Variants in HECW1 observed in about 807,000 individuals in gnomAD.
The protein encoded by HECW1 is E3 ubiquitin-protein ligase HECW1.
HECW1 carries 61 observed loss-of-function variants against 182.3 expected under a neutral mutation model. The observed-to-expected ratio is 0.33, with a 90% CI of 0.27 to 0.41. The LOEUF (loss-of-function observed/expected upper bound fraction) is 0.41, where lower values mean the gene tolerates loss of function less well. HECW1 is among the 10% of genes least tolerant of loss of function. The pLI is 1.00. For missense variants in HECW1, 1,739 were observed against 2,108.9 expected (o/e 0.82, Z 3.44); for synonymous variants, 859 against 832.6 (o/e 1.03, Z -0.55).
At chr7:43,342,306 C>T (rs1444694268) in intron 5 of HECW1, among the ~76,000 whole-genome samples, 2 of 151,722 alleles carry the variant, frequency 1.3e-5, no homozygotes, top group East Asian at 3.8e-4. Context: ...TTCACCCTTC[C>T]TTTGTTTTGA....
At chr7:43,277,204 G>A (rs997495170) in intron 3 of HECW1, among the ~76,000 whole-genome samples, 4 of 152,092 alleles carry the variant, frequency 2.6e-5, no homozygotes, top group African/African-American at 9.7e-5. Context: ...TCCTACTCAG[G>A]CAATGGATGA....
At chr7:43,331,008 T>C (rs940840747) in intron 5 of HECW1, among the ~76,000 whole-genome samples, 2 of 152,176 alleles carry the variant, frequency 1.3e-5, no homozygotes, top group Admixed American at 6.5e-5. Context: ...TTATATACTT[T>C]AAGTCCTAGG....
chr7:43,214,131 T>G (rs1420926839), intron 2 of HECW1, among the ~76,000 whole-genome samples: 1 of 151,990 alleles, frequency 6.6e-6, no homozygotes. Context: ...TACACATATG[T>G]ATTTCTATAG....
In HECW1 at chr7:43,564,804, T is replaced by G; in HGVS notation, c.*2878T>G. 1 of 182,260 alleles carries G rather than the reference T, an allele frequency of 5.5e-6. No homozygotes were observed. The highest frequency in any genetic ancestry group is 1.2e-5 in the Non-Finnish European group (1 of 85,430). The allele number at this position is 182,260 out of a possible 1,614,324, so 11.3% of individuals were successfully genotyped here. ...GAAATGAAATAGCTATAGAACTAAA[T>G]TTCACTTAGGTGGAGGTATAAACCA... On this transcript the variant is annotated 3_prime_UTR_variant, in exon 30 of 30. Transcript: ENST00000395891.
intron 6 of HECW1, among the ~76,000 whole-genome samples, chr7:43,393,475 G>T (rs1466899840): frequency 2.0e-5 from 3 of 152,144 alleles, no homozygotes; most frequent in Admixed American, 6.6e-5. Context: ...CCTAAGACTG[G>T]GCAAACATTT....
intron 17 of HECW1, among the ~76,000 whole-genome samples, chr7:43,486,861 C>G (rs1373766812): frequency 2.0e-5 from 3 of 152,222 alleles, no homozygotes; most frequent in Non-Finnish European, 4.4e-5. Flanking sequence ...ATTGTGTTGT[C>G]TATGGTTCTA....
At chr7:43,511,851 G>T (rs1300556816) in intron 24 of HECW1, 2 of 181,040 alleles carry the variant, frequency 1.1e-5, no homozygotes, top group South Asian at 2.0e-4. Flanking sequence ...GCCCAGATCT[G>T]GTGATGTGGC....
chr7:43,397,004 AT>A, intron 7 of HECW1, 115 bp downstream of exon 7: 1 of 772,894 alleles, frequency 1.3e-6, no homozygotes. Context: ...CTGTGCCTCA[AT>A]TTCTCAATCT....
At chr7:43,122,239 C>T (rs531555779) in intron 2 of HECW1, among the ~76,000 whole-genome samples, 165 of 152,308 alleles carry the variant, frequency 1.1e-3, no homozygotes, top group African/African-American at 3.8e-3. Context: ...AAGTAGAGCC[C>T]AGTTTTCTGC....
chr7:43,541,233 A>G lies in HECW1; in HGVS notation c.4090A>G (p.Arg1364Gly). 6.2e-7 allele frequency: 1 copy of G among 1,614,124 alleles called. No homozygotes were observed. The highest frequency in any genetic ancestry group is 8.5e-7 in the Non-Finnish European group (1 of 1,179,994). ...GTACCTTCTTGACGCTTTCTTCACG[A>G]GGCCCTTCTACAAGGCACTCCTGAG... ...HQYLLDAFFTRPFYKALLRLP... is the reference protein window; with the variant it reads ...HQYLLDAFFTGPFYKALLRLP... The change falls in exon 25 of 30, where the codon AGG (arginine) becomes GGG (glycine). Residue 1364 changes from arginine (R) to glycine (G), a missense_variant. This residue lies in a region of HECW1 where 420 missense variants were observed against 595.7 expected (regional missense o/e 0.71). Transcript: ENST00000395891.
At chr7:43,364,207 C>G (rs541976818) in intron 6 of HECW1, among the ~76,000 whole-genome samples, 17 of 152,108 alleles carry the variant, frequency 1.1e-4, no homozygotes, top group Non-Finnish European at 2.5e-4. Flanking sequence ...GTGTAATCAG[C>G]GCTTTAATTT....
intron 2 of HECW1, among the ~76,000 whole-genome samples, chr7:43,157,614 G>T (rs1790026058): frequency 6.6e-6 from 1 of 152,170 alleles, no homozygotes; most frequent in Admixed American, 6.5e-5. Context: ...AACCTGGAGT[G>T]CAGTGGTGCA....
chr7:43,500,819 T>C, intron 20 of HECW1, 37 bp downstream of exon 20: 1 of 1,528,870 alleles, frequency 6.5e-7, no homozygotes, highest in African/African-American at 1.4e-5. Flanking sequence ...TGGAAAAGCT[T>C]CCCTGGGCAG....
chr7:43,414,932 C>G (rs970987899), intron 8 of HECW1, among the ~76,000 whole-genome samples: 5 of 152,022 alleles, frequency 3.3e-5, no homozygotes, highest in Non-Finnish European at 5.9e-5. Flanking sequence ...TTGGTTGTGT[C>G]TCTGCCCGGC....
Position 43,114,364 on chromosome 7 carries a change from C to T in HECW1, c.-59C>T. The T allele has an allele frequency of 7.4e-7, 1 of 1,354,882 alleles. No homozygotes were observed. Among genetic ancestry groups the T allele is most frequent in the Non-Finnish European group, 9.7e-7 (1 of 1,028,864 alleles). 83.9% of individuals were successfully genotyped at this position (1,354,882 alleles called of 1,614,324 possible). A position where few individuals can be genotyped will look rare whatever the true frequency, so the allele number is the denominator to read the frequency against. On this transcript the variant is annotated 5_prime_UTR_variant, in exon 2 of 30. Coordinates refer to ENST00000395891, the MANE Select transcript of HECW1 (RefSeq NM_015052.5). ...TGGCCAGATCTGCGTTTCTCATCAG[C>T]AGACTCACTCCGGCTGTGGCTATTA...
chr7:43,557,546 C>T (rs1050838365), intron 29 of HECW1, among the ~76,000 whole-genome samples: 1 of 152,192 alleles, frequency 6.6e-6, no homozygotes, highest in East Asian at 1.9e-4. Context: ...GGTCAAGGAA[C>T]TGGGGGCTTG....
chr7:43,411,045 A>ATT (rs35153636), intron 8 of HECW1, among the ~76,000 whole-genome samples: 451 of 141,548 alleles, frequency 3.2e-3, no homozygotes, highest in Middle Eastern at 0.018. Flanking sequence ...ATTGCCTTCT[A>ATT]TTTTTTTTTT....
chr7:43,179,433 G>C (rs1792580666), intron 2 of HECW1, among the ~76,000 whole-genome samples: 1 of 152,170 alleles, frequency 6.6e-6, no homozygotes, highest in African/African-American at 2.4e-5. Context: ...TCAAGAGCTA[G>C]GTGTGGTACT....
At chr7:43,147,245 G>T (rs887029478) in intron 2 of HECW1, among the ~76,000 whole-genome samples, 2 of 150,920 alleles carry the variant, frequency 1.3e-5, no homozygotes, top group Non-Finnish European at 3.0e-5. Flanking sequence ...ATGTAGTTTT[G>T]TTTTTTTTTA....
Sources: gnomAD v4.1 joint callset for allele counts (sites outside exome capture counted in the v4.1 genomes callset) on GRCh38, gnomAD v4.1.1 for gene constraint, gnomAD v4.1.1 regional missense constraint, MANE v1.5 for transcripts, NCBI Gene and HGNC (gene_info 2026-07-23, HGNC 2026-07-21) for gene names.